GLT1D1: variants seen among roughly 807,000 people sequenced by gnomAD.
GLT1D1 encodes the protein glycosyltransferase 1 domain-containing protein 1.
Under a neutral mutation model 28.7 loss-of-function variants are expected in GLT1D1, and 21 were observed. The observed-to-expected ratio is 0.73, with a 90% confidence interval of 0.52 to 1.05. The LOEUF (loss-of-function observed/expected upper bound fraction) is 1.05, where lower values mean the gene tolerates loss of function less well. Among genes scored for constraint, GLT1D1 ranks in the 50% least tolerant of loss-of-function variants. The pLI is 0.00. For missense variants in GLT1D1, 343 were observed against 330.6 expected (o/e 1.04, Z -0.29); for synonymous variants, 147 against 124.8 (o/e 1.18, Z -1.19).
intron 1 of GLT1D1, among the ~76,000 whole-genome samples, chr12:128,854,394 CGT>C (rs56655033): frequency 0.27 from 38,890 of 143,660 alleles, 5,105 homozygotes; most frequent in South Asian, 0.31. Context: ...TAACAGAAGC[CGT>C]GTGTGTGTGT....
intron 1 of GLT1D1, among the ~76,000 whole-genome samples, chr12:128,858,330 T>G (rs1956274557): frequency 6.6e-6 from 1 of 152,160 alleles, no homozygotes; most frequent in South Asian, 2.1e-4. Flanking sequence ...TGCCATATCT[T>G]GAAATGGCCC....
intron 4 of GLT1D1, among the ~76,000 whole-genome samples, chr12:128,941,174 T>C (rs1243882680): frequency 6.6e-6 from 1 of 152,224 alleles, no homozygotes; most frequent in Non-Finnish European, 1.5e-5. Context: ...TTGTCACGGC[T>C]GAGTGGCACT....
chr12:128,889,919 C>T (rs113616050), intron 3 of GLT1D1, among the ~76,000 whole-genome samples: 2,297 of 152,260 alleles, frequency 0.015, 23 homozygotes, highest in Non-Finnish European at 0.025. Context: ...GGATTATGGG[C>T]GCCTGCCACC....
chr12:128,897,699 C>T (rs777415306), intron 3 of GLT1D1, among the ~76,000 whole-genome samples: 11 of 152,040 alleles, frequency 7.2e-5, no homozygotes, highest in Non-Finnish European at 1.3e-4. Flanking sequence ...GACAGAGTCT[C>T]GCTCTGTTGC....
chr12:128,894,442 A>G (rs1452015544), intron 3 of GLT1D1, among the ~76,000 whole-genome samples: 4 of 151,836 alleles, frequency 2.6e-5, no homozygotes, highest in Non-Finnish European at 5.9e-5. Flanking sequence ...CCTGATGGTG[A>G]TTTTTCCATT....
intron 4 of GLT1D1, 23 bp downstream of exon 8, chr12:128,927,177 C>A: frequency 6.7e-7 from 1 of 1,491,984 alleles, no homozygotes; most frequent in Non-Finnish European, 9.0e-7. Flanking sequence ...GCAGTAAACA[C>A]TTATCTCATC....
chr12:128,978,737 C>T (rs1379647887), intron 7 of GLT1D1, among the ~76,000 whole-genome samples: 1 of 152,080 alleles, frequency 6.6e-6, no homozygotes, highest in Non-Finnish European at 1.5e-5. Context: ...ATGGCTACTC[C>T]GTAGACAGAG....
At chr12:128,972,830 C>CACTTA (rs1258210028) in intron 7 of GLT1D1, among the ~76,000 whole-genome samples, 6 of 152,198 alleles carry the variant, frequency 3.9e-5, no homozygotes, top group Admixed American at 3.9e-4. Context: ...TATGGTGTAT[C>CACTTA]ACTTAGTGTT....
chr12:128,926,297 C>T, intron 4 of GLT1D1, 62 bp from the exon 7 acceptor site: 1 of 756,946 alleles, frequency 1.3e-6, no homozygotes, highest in East Asian at 2.9e-5. Context: ...TCTGTGATGT[C>T]ATTGCTACTG....
intron 4 of GLT1D1, among the ~76,000 whole-genome samples, chr12:128,939,549 C>T (rs1566153068): frequency 6.6e-6 from 1 of 152,044 alleles, no homozygotes; most frequent in Non-Finnish European, 1.5e-5. Context: ...TTGTGAGACC[C>T]TGTGTTAGTT....
At chr12:128,878,728 C>T (rs537173320) in intron 2 of GLT1D1, among the ~76,000 whole-genome samples, 2 of 152,106 alleles carry the variant, frequency 1.3e-5, no homozygotes, top group Admixed American at 6.6e-5. Context: ...CCACCTCAGC[C>T]TCCCAAGTAC....
intron 1 of GLT1D1, among the ~76,000 whole-genome samples, chr12:128,854,394 C>CGTGTGT (rs56655033): frequency 0.037 from 5,263 of 143,888 alleles, 203 homozygotes; most frequent in African/African-American, 0.088. Flanking sequence ...TAACAGAAGC[C>CGTGTGT]GTGTGTGTGT....
chr12:128,891,112 A>T (rs1869003819), intron 3 of GLT1D1, among the ~76,000 whole-genome samples: 2 of 151,752 alleles, frequency 1.3e-5, no homozygotes, highest in Admixed American at 1.3e-4. Flanking sequence ...TCTCAAAAAA[A>T]AAAAAATTTA....
At chr12:128,973,022 G>A (rs747606069) in intron 7 of GLT1D1, among the ~76,000 whole-genome samples, 1 of 151,904 alleles carries the variant, frequency 6.6e-6, no homozygotes. Context: ...CTGAAACTTC[G>A]GAACCATTGA....
At position 128,853,481 on chromosome 12, in the gene GLT1D1, G is replaced by A. The variant is rs904744192; in HGVS notation, c.-101G>A. 17 of 932,408 alleles carry A rather than the reference G, an allele frequency of 1.8e-5. No homozygotes were observed. The highest frequency in any genetic ancestry group is 2.2e-5 in the Non-Finnish European group (17 of 778,794). The allele number at this position is 932,408 out of a possible 1,614,324, so 57.8% of individuals were successfully genotyped here. A position where few individuals can be genotyped will look rare whatever the true frequency, so the allele number is the denominator to read the frequency against. On this transcript the variant is annotated 5_prime_UTR_variant, in exon 1 of 8. Transcript: ENST00000281703. Reference sequence around the variant, plus strand: ...GCCTCGGGGAGGGGCGGGCGGGACAGACCCAGCCGCCCCGGCTCCCCCGCC... The same window carrying A: ...GCCTCGGGGAGGGGCGGGCGGGACAAACCCAGCCGCCCCGGCTCCCCCGCC...
chr12:128,881,491 G>A (rs1180209200), intron 2 of GLT1D1, among the ~76,000 whole-genome samples: 6 of 118,840 alleles, frequency 5.0e-5, no homozygotes, highest in Admixed American at 1.1e-4. Context: ...CTGAGATCAT[G>A]CCCCTGCACT....
intron 3 of GLT1D1, among the ~76,000 whole-genome samples, chr12:128,892,937 A>G (rs1302522050): frequency 1.3e-5 from 2 of 152,192 alleles, no homozygotes; most frequent in East Asian, 1.9e-4. Context: ...AGGATCATCC[A>G]GGTACATATT....
At chr12:128,931,325 T>G (rs1873854336) in intron 4 of GLT1D1, among the ~76,000 whole-genome samples, 1 of 145,712 alleles carries the variant, frequency 6.9e-6, no homozygotes, top group Non-Finnish European at 1.5e-5. Flanking sequence ...TTTTTTTTTT[T>G]GATATGGAGT....
At chr12:128,880,911 C>T (rs926958821) in intron 2 of GLT1D1, among the ~76,000 whole-genome samples, 2 of 152,012 alleles carry the variant, frequency 1.3e-5, no homozygotes, top group Non-Finnish European at 2.9e-5. Flanking sequence ...TACAATTAAG[C>T]TTGCAACTTC....
Sources: gnomAD v4.1 joint callset for allele counts (sites outside exome capture counted in the v4.1 genomes callset) on GRCh38, gnomAD v4.1.1 for gene constraint, MANE v1.5 for transcripts, NCBI Gene and HGNC (gene_info 2026-07-23, HGNC 2026-07-21) for gene names.